Variants in TMBIM1 observed in about 807,000 individuals in gnomAD.
The protein encoded by TMBIM1 is transmembrane BAX inhibitor motif containing 1, also known as protein lifeguard 3.
In TMBIM1, 34 loss-of-function variants were observed where a neutral mutation model predicts 45.1. The observed-to-expected ratio is 0.75, with a 90% CI of 0.57 to 1.00. TMBIM1 has a LOEUF of 1.00. TMBIM1 is among the 50% of genes least tolerant of loss of function. TMBIM1 has a pLI of 0.00. For synonymous variants in TMBIM1, 157 were observed against 153.5 expected (o/e 1.02, Z -0.17); for missense variants, 374 against 402.4 (o/e 0.93, Z 0.60).
chr2:218,277,253 G>T, intron 9 of TMBIM1, 113 bp downstream of exon 9: 1 of 1,174,634 alleles, frequency 8.5e-7, no homozygotes, highest in Non-Finnish European at 1.3e-6. Context: ...TTTTGTAGGT[G>T]CGGATGAGGA....
rs750928581 is a variant in TMBIM1 at position 218,280,075 on chromosome 2, C to T, written c.254G>A (p.Gly85Glu). The T allele has an allele frequency of 1.2e-6, 2 of 1,614,152 alleles. No homozygotes were observed. Among genetic ancestry groups the T allele is most frequent in the Admixed American group, 1.7e-5 (1 of 60,024 alleles). ...TTTCCGGTCATCCCACTCTCCAGGC[C>T]CGAAGCTATCACTCACTGCTCTCTC... ...GEERAVSDSF[G>E]PGEWDDRKVR... The change falls in exon 3 of 12, where the codon GGG becomes GAG. Residue 85 changes from glycine to glutamate, a missense_variant. Gly to Glu is a moderately conservative substitution (Grantham distance 98). Transcript: ENST00000258412.
At chr2:218,277,502 A>C in intron 8 of TMBIM1, 49 bp from the exon 9 acceptor site, 1 of 1,610,182 alleles carries the variant, frequency 6.2e-7, no homozygotes, top group Non-Finnish European at 8.5e-7. Flanking sequence ...CCACGTATGA[A>C]TGACTTCAAA....
chr2:218,281,432 C>T (rs1205379517), intron 2 of TMBIM1, among the ~76,000 whole-genome samples: 4 of 152,202 alleles, frequency 2.6e-5, no homozygotes, highest in Non-Finnish European at 2.9e-5. Flanking sequence ...CCACCGCGGC[C>T]GGCCTCACCT....
intron 9 of TMBIM1, 61 bp downstream of exon 9, chr2:218,277,305 G>C (rs1691317254): frequency 1.1e-5 from 16 of 1,484,910 alleles, no homozygotes; most frequent in African/African-American, 2.8e-5. Context: ...AGTGTGCCGG[G>C]GTCCGGGCCT....
chr2:218,291,514 G>A (rs746354835), intron 1 of TMBIM1, among the ~76,000 whole-genome samples: 9 of 152,128 alleles, frequency 5.9e-5, no homozygotes, highest in Non-Finnish European at 1.2e-4. Flanking sequence ...TCTGACCTGC[G>A]TTCCCAGGCC....
rs1691085194 is a variant in TMBIM1, at chr2:218,275,333, C to T, written c.*142G>A. On this transcript the variant is annotated 3_prime_UTR_variant, in exon 12 of 12. Transcript: ENST00000258412. ...CACACATCCATAGCCAGAGAGGCCA[C>T]CTGTCTCCAGGACAGAAAGGAAACT... is the stretch of plus-strand genomic sequence containing the variant. 5 of 1,172,492 alleles carry T rather than the reference C, an allele frequency of 4.3e-6. No individual in the cohort carries two copies. In the East Asian group the frequency reaches 1.3e-4, roughly 31 times the overall value. 72.6% of individuals were successfully genotyped at this position (1,172,492 alleles called of 1,614,324 possible).
intron 2 of TMBIM1, among the ~76,000 whole-genome samples, chr2:218,281,556 T>C (rs1243615839): frequency 2.6e-5 from 4 of 152,228 alleles, no homozygotes; most frequent in Non-Finnish European, 5.9e-5. Context: ...TGGTTCAGGT[T>C]CCCAAAGGAG....
At chr2:218,280,515 G>A (rs1691797838) in intron 2 of TMBIM1, 4 of 267,320 alleles carry the variant, frequency 1.5e-5, no homozygotes, top group South Asian at 1.1e-4. Context: ...GCGGCAGAGC[G>A]CAGTTTGTGC....
chr2:218,281,614 C>G (rs1410353127), intron 2 of TMBIM1, among the ~76,000 whole-genome samples: 1 of 152,174 alleles, frequency 6.6e-6, no homozygotes, highest in Admixed American at 6.5e-5. Context: ...GCTTGTTGGC[C>G]GCTTGTTGGG....
chr2:218,277,835 G>C (rs1029502742), intron 7 of TMBIM1, 100 bp downstream of exon 7: 1 of 1,566,556 alleles, frequency 6.4e-7, no homozygotes. Context: ...AGGTGGAGGA[G>C]ACAGCCAGGA....
chr2:218,277,892 C>T (rs1257068035), intron 7 of TMBIM1, 43 bp downstream of exon 7: 13 of 1,613,604 alleles, frequency 8.1e-6, no homozygotes, highest in Non-Finnish European at 1.1e-5. Context: ...AGCAGTCTCC[C>T]TCACAGCATC....
intron 1 of TMBIM1, 42 bp from the exon 2 acceptor site, chr2:218,282,223 C>G (rs1692096367): frequency 8.4e-7 from 1 of 1,191,670 alleles, no homozygotes. Flanking sequence ...ATGCCCAGGC[C>G]CAGCTCACTC....
chr2:218,276,133 C>G, intron 10 of TMBIM1, 54 bp from the exon 11 acceptor site: 1 of 1,582,758 alleles, frequency 6.3e-7, no homozygotes, highest in East Asian at 2.3e-5. Flanking sequence ...AACCACAGGC[C>G]CACAGGCCCC....
At chr2:218,281,820 G>T in intron 2 of TMBIM1, 120 bp downstream of exon 2, 1 of 867,968 alleles carries the variant, frequency 1.2e-6, no homozygotes, top group South Asian at 1.5e-5. Flanking sequence ...GATCTCAACA[G>T]AGAAGATGAG....
intron 1 of TMBIM1, among the ~76,000 whole-genome samples, chr2:218,291,755 T>C (rs527411550): frequency 6.6e-6 from 1 of 152,198 alleles, no homozygotes; most frequent in East Asian, 1.9e-4. Flanking sequence ...TCTGTTTTGT[T>C]TTCACTCTAA....
intron 2 of TMBIM1, 152 bp downstream of exon 2, chr2:218,281,788 C>A: frequency 1.3e-6 from 1 of 744,596 alleles, no homozygotes; most frequent in Non-Finnish European, 2.2e-6. Flanking sequence ...TGGAGGGTAA[C>A]AAAGACAGAA....
Position 218,278,514 on chromosome 2 carries a change from C to T in TMBIM1, c.473+1G>A, listed in dbSNP as rs112085296. 6.2e-7 allele frequency: 1 copy of T among 1,614,126 alleles called. No homozygotes were observed. Among genetic ancestry groups the T allele is most frequent in the Non-Finnish European group, 8.5e-7 (1 of 1,179,958 alleles). On this transcript the variant is annotated splice_donor_variant, in intron 6 of 11. Transcript: ENST00000258412. LOFTEE classifies it high-confidence loss of function. ...CACTGTGTTAAGTCTCTGGGACTCA[C>T]CTGGGTCCCTGGCAGCAGGCAAGGA...
intron 1 of TMBIM1, among the ~76,000 whole-genome samples, chr2:218,282,888 C>A (rs1342020376): frequency 6.6e-6 from 1 of 152,188 alleles, no homozygotes; most frequent in Non-Finnish European, 1.5e-5. Flanking sequence ...CTGGTTCCTT[C>A]AAATAACAGC....
intron 1 of TMBIM1, chr2:218,286,763 G>T (rs561419218): frequency 8.5e-5 from 13 of 152,442 alleles, no homozygotes; most frequent in African/African-American, 2.9e-4. Context: ...GTTACAGCAA[G>T]AGGAGAGTAT....
Sources: allele counts gnomAD v4.1 joint callset (sites outside exome capture counted in the v4.1 genomes callset), GRCh38; gene constraint gnomAD v4.1.1; transcripts MANE v1.5; gene names NCBI Gene and HGNC (gene_info 2026-07-23, HGNC 2026-07-21).